Variants in ACOT7 observed in about 807,000 individuals in gnomAD.
ACOT7 encodes the protein acyl-CoA thioesterase 7, also known as cytosolic acyl coenzyme A thioester hydrolase.
In ACOT7, 12 loss-of-function variants were observed where a neutral mutation model predicts 40.2. The observed-to-expected ratio is 0.30, with a 90% CI of 0.19 to 0.48. The LOEUF is 0.48. Ranked by LOEUF, ACOT7 falls within the 20% of genes least tolerant of loss-of-function variation. ACOT7 has a pLI of 0.99. For synonymous variants in ACOT7, 228 were observed against 219.5 expected (o/e 1.04, Z -0.34); for missense variants, 395 against 530.8 (o/e 0.74, Z 2.51).
chr1:6,335,106 G>A (rs1043242454), intron 3 of ACOT7, among the ~76,000 whole-genome samples: 18 of 152,152 alleles, frequency 1.2e-4, no homozygotes, highest in African/African-American at 3.9e-4. Context: ...CGAGGCAGGC[G>A]GATCACCTGA....
intron 8 of ACOT7, among the ~76,000 whole-genome samples, chr1:6,276,992 C>G (rs74049522): frequency 7.3e-5 from 11 of 150,282 alleles, no homozygotes; most frequent in Admixed American, 6.6e-5. Context: ...CTCTGACCAC[C>G]CCCCCCCAGG....
rs1362151958 is a variant in ACOT7 at position 6,380,415 on chromosome 1, T to C, written c.143+12842A>G. ...GAGTTCAAGACCAGCCTGACCGACA[T>C]GGTGAAACCCCCCGTCTCTACTAAA... On this transcript the variant is annotated intron_variant, in intron 1 of 8. Transcript: ENST00000361521. Among the ~76,000 whole-genome samples the C allele has an allele frequency of 3.3e-5, 5 of 151,236 alleles. No homozygotes were observed. In the East Asian group the frequency reaches 9.7e-4, roughly 29 times the overall value.
chr1:6,348,460 T>C (rs1426261512), intron 2 of ACOT7, among the ~76,000 whole-genome samples: 1 of 152,108 alleles, frequency 6.6e-6, no homozygotes, highest in Non-Finnish European at 1.5e-5. Context: ...CCAAAATCCC[T>C]GTGTTGAAAT....
At chr1:6,273,269 G>A (rs976397379) in intron 8 of ACOT7, among the ~76,000 whole-genome samples, 2 of 152,226 alleles carry the variant, frequency 1.3e-5, no homozygotes, top group Non-Finnish European at 2.9e-5. Flanking sequence ...GCGAGAGCCA[G>A]GCTGGAGGGG....
intron 6 of ACOT7, among the ~76,000 whole-genome samples, chr1:6,302,459 C>T (rs1448604821): frequency 6.6e-6 from 1 of 152,164 alleles, no homozygotes; most frequent in Non-Finnish European, 1.5e-5. Flanking sequence ...GCAGCAGGAT[C>T]AGAGGCGGGA....
intron 4 of ACOT7, 95 bp downstream of exon 4, chr1:6,333,382 T>G: frequency 2.8e-6 from 4 of 1,423,380 alleles, no homozygotes; most frequent in Non-Finnish European, 3.9e-6. Context: ...TGTTGCTCCC[T>G]TGAGACCCTT....
In ACOT7 at chr1:6,306,934, A is replaced by C; in HGVS notation, c.712+11558T>G. The C allele has an allele frequency of 7.8e-7, 1 of 1,288,404 alleles. No individual in the cohort carries two copies. Among genetic ancestry groups the C allele is most frequent in the East Asian group, 5.6e-5 (1 of 18,018 alleles). 79.8% of individuals were successfully genotyped at this position (1,288,404 alleles called of 1,614,324 possible). A position where few individuals can be genotyped will look rare whatever the true frequency, so the allele number is the denominator to read the frequency against. On this transcript the variant is annotated intron_variant, in intron 6 of 8. Transcript: ENST00000361521. The surrounding 1 kb of genome is among the most constrained non-coding windows in gnomAD (Gnocchi z 4.3). ...ACAACTGCCCCAAGAAGACCAAGTG[A>C]ACAAGAGCGTCTTGGTGGAGGCCTC... is the stretch of plus-strand genomic sequence containing the variant.
chr1:6,341,831 T>C (rs773566876), intron 2 of ACOT7, among the ~76,000 whole-genome samples: 1 of 152,198 alleles, frequency 6.6e-6, no homozygotes, highest in Non-Finnish European at 1.5e-5. Context: ...AAAAAGCCTA[T>C]GGTGCTGGGT....
At chr1:6,324,614 C>T (rs1341819191) in intron 5 of ACOT7, among the ~76,000 whole-genome samples, 1 of 152,182 alleles carries the variant, frequency 6.6e-6, no homozygotes, top group Non-Finnish European at 1.5e-5. Flanking sequence ...TGCCCACACC[C>T]CCCGGGGTCT....
In ACOT7 at chr1:6,358,919, G is replaced by T; in HGVS notation, c.144-9053C>A. ...GGGAAGCATCACAGAGTCCTTGCCT[G>T]ACCCAGGACTGTCCCAGCTCCCTGC... On this transcript the variant is annotated intron_variant, in intron 1 of 8. Transcript: ENST00000361521. The surrounding 1 kb of genome is among the most constrained non-coding windows in gnomAD (Gnocchi z 4.1). 2 of 1,590,038 alleles carry T rather than the reference G, an allele frequency of 1.3e-6. No individual in the cohort carries two copies. Among genetic ancestry groups the T allele is most frequent in the South Asian group, 2.3e-5 (2 of 87,626 alleles).
chr1:6,283,414 G>A (rs1414032490), intron 7 of ACOT7, among the ~76,000 whole-genome samples: 3 of 152,024 alleles, frequency 2.0e-5, no homozygotes, highest in African/African-American at 4.8e-5. Context: ...CAACTGCCTC[G>A]GCCTCCCAAA....
intron 8 of ACOT7, 152 bp downstream of exon 8, chr1:6,280,950 C>A (rs1639338381): frequency 3.7e-6 from 4 of 1,085,880 alleles, no homozygotes; most frequent in Non-Finnish European, 5.2e-6. Flanking sequence ...CCCGAGGTCA[C>A]CGGTCACGGC....
chr1:6,360,833 C>A, intron 1 of ACOT7: 1 of 1,301,704 alleles, frequency 7.7e-7, no homozygotes, highest in Non-Finnish European at 1.0e-6. Flanking sequence ...GGCCCACCAC[C>A]CACCCCAAAT....
chr1:6,373,285 C>G (rs1301227338), intron 1 of ACOT7, among the ~76,000 whole-genome samples: 1 of 151,962 alleles, frequency 6.6e-6, no homozygotes, highest in African/African-American at 2.4e-5. Context: ...GAGTCTCGCT[C>G]TGTTGCCCAG....
At chr1:6,279,864 C>T (rs555181101) in intron 8 of ACOT7, among the ~76,000 whole-genome samples, 1 of 152,272 alleles carries the variant, frequency 6.6e-6, no homozygotes, top group South Asian at 2.1e-4. Flanking sequence ...GCCTCAGCCT[C>T]GACTGGGAAA....
At chr1:6,264,779 C>T in intron 8 of ACOT7, 84 bp from the exon 9 acceptor site, 1 of 1,432,342 alleles carries the variant, frequency 7.0e-7, no homozygotes, top group Non-Finnish European at 9.5e-7. Context: ...GGGGCCCTGC[C>T]CCCCACCCGT....
intron 1 of ACOT7, chr1:6,385,460 C>T: frequency 6.3e-7 from 1 of 1,590,206 alleles, no homozygotes; most frequent in Non-Finnish European, 8.6e-7. Flanking sequence ...GCAAGTGAGA[C>T]ACCATGGGCA....
chr1:6,273,237 T>C (rs1419600954), intron 8 of ACOT7, among the ~76,000 whole-genome samples: 1 of 151,774 alleles, frequency 6.6e-6, no homozygotes, highest in Non-Finnish European at 1.5e-5. Context: ...GGAGAAAGAG[T>C]CTGGGCTCAG....
At chr1:6,388,060 C>T (rs1642468845) in intron 1 of ACOT7, among the ~76,000 whole-genome samples, 1 of 151,048 alleles carries the variant, frequency 6.6e-6, no homozygotes, top group African/African-American at 2.4e-5. Context: ...CCTGCCTCAG[C>T]TTCCCAAGTA....
Sources: gnomAD v4.1 joint callset for allele counts (sites outside exome capture counted in the v4.1 genomes callset) on GRCh38, gnomAD v4.1.1 for gene constraint, Gnocchi (gnomAD v3.1) non-coding constraint, MANE v1.5 for transcripts, NCBI Gene and HGNC (gene_info 2026-07-23, HGNC 2026-07-21) for gene names.